PDE4A: variants seen among roughly 807,000 people sequenced by gnomAD.
PDE4A encodes the protein 3',5'-cyclic-AMP phosphodiesterase 4A.
Under a neutral mutation model 73.9 loss-of-function variants are expected in PDE4A, and 21 were observed. The observed-to-expected ratio is 0.28, with a 90% confidence interval of 0.20 to 0.41. PDE4A has a LOEUF of 0.41. Ranked by LOEUF, PDE4A falls within the 10% of genes least tolerant of loss-of-function variation. The pLI is 1.00. For missense variants in PDE4A, 958 were observed against 1,211.4 expected (o/e 0.79, Z 3.10); for synonymous variants, 463 against 505.4 (o/e 0.92, Z 1.13).
intron 1 of PDE4A, among the ~76,000 whole-genome samples, chr19:10,444,438 C>T (rs1371150989): frequency 3.3e-5 from 5 of 150,870 alleles, no homozygotes; most frequent in Non-Finnish European, 5.9e-5. Context: ...GCGGAGGTTG[C>T]GGTGAGCTGA....
chr19:10,466,881 C>T lies in PDE4A; in HGVS notation c.1927-6C>T, dbSNP rs775159178. The T allele has an allele frequency of 4.3e-6, 7 of 1,609,562 alleles. No individual in the cohort carries two copies. In the African/African-American group the frequency reaches 8.0e-5, roughly 18 times the overall value. ...CGCCCATTTATACTTTCTTCCCCTC[C>T]ACCAGGTGGGTTTTATTGACTACAT... On this transcript the variant is annotated splice_region_variant and splice_polypyrimidine_tract_variant and intron_variant, in intron 14 of 14. Transcript: ENST00000380702.
chr19:10,443,237 T>C (rs1599425279), intron 1 of PDE4A, among the ~76,000 whole-genome samples: 1 of 151,996 alleles, frequency 6.6e-6, no homozygotes, highest in Non-Finnish European at 1.5e-5. Flanking sequence ...GAATATATAA[T>C]GGGCCAGCCA....
chr19:10,446,294 C>G lies in PDE4A; in HGVS notation c.397C>G (p.Leu133Val). The G allele has an allele frequency of 6.2e-7, 1 of 1,610,804 alleles. No homozygotes were observed. Residue 133 changes from leucine (L) to valine (V), a missense_variant, in exon 2 of 15, where the codon CTG (leucine) becomes GTG (valine). By Grantham distance (32) the Leu-to-Val change is conservative (BLOSUM62 1). Coordinates refer to ENST00000380702, the MANE Select transcript of PDE4A (RefSeq NM_001111307.2). ...CTCGCAGGCGAGCCCAGGACTCGTG[C>G]TGCACGCCGGGGCGGCCACCAGCCA... Reference protein sequence around the residue: ...LDSQASPGLVLHAGAATSQRR... With the variant: ...LDSQASPGLVVHAGAATSQRR...
In PDE4A at chr19:10,444,252, C is replaced by T. The variant is rs1019934953; in HGVS notation, c.321-1966C>T. On this transcript the variant is annotated intron_variant, in intron 1 of 14. Coordinates refer to ENST00000380702, the MANE Select transcript of PDE4A (RefSeq NM_001111307.2). The stretch of plus-strand genomic sequence containing the variant: ...AAAATGGGCTGGGCATGGTGGCCCA[C>T]ACCTGTAATCCCAGCACTTTGGGAG... Among the ~76,000 whole-genome samples the T allele has an allele frequency of 7.1e-4, 107 of 151,662 alleles. 2 individuals carry two copies. Among genetic ancestry groups the T allele is most frequent in the Admixed American group, 6.6e-3 (101 of 15,218 alleles).
chr19:10,439,268 G>A (rs1003318630), intron 1 of PDE4A, among the ~76,000 whole-genome samples: 5 of 150,382 alleles, frequency 3.3e-5, no homozygotes, highest in African/African-American at 7.3e-5. Flanking sequence ...TGCAACCTCC[G>A]TCTCCCGGGT....
intron 3 of PDE4A, 36 bp downstream of exon 3, chr19:10,448,989 G>C (rs1419863157): frequency 6.2e-7 from 1 of 1,612,502 alleles, no homozygotes; most frequent in South Asian, 1.1e-5. Flanking sequence ...GGAGAGAAGG[G>C]GCTCCAATGC....
At chr19:10,419,102 G>C (rs923569812), upstream of PDE4A, 6 of 980,596 alleles carry the variant, frequency 6.1e-6, no homozygotes, top group African/African-American at 8.8e-5. Flanking sequence ...AAGGGCGCGG[G>C]GGGAGGGCGG....
intron 7 of PDE4A, among the ~76,000 whole-genome samples, chr19:10,456,532 AAAAT>A (rs1346626011): frequency 9.4e-5 from 14 of 149,046 alleles, no homozygotes; most frequent in South Asian, 4.3e-4. Flanking sequence ...TCTCAAAAAA[AAAAT>A]AAATAAATAA....
chr19:10,460,269 T>G (rs1025339551), intron 10 of PDE4A, among the ~76,000 whole-genome samples: 4 of 149,846 alleles, frequency 2.7e-5, no homozygotes, highest in African/African-American at 9.8e-5. Context: ...AAGGCCAAGA[T>G]GGGTGGATCA....
At chr19:10,438,912 T>G (rs892675205) in intron 1 of PDE4A, among the ~76,000 whole-genome samples, 3 of 152,236 alleles carry the variant, frequency 2.0e-5, no homozygotes, top group Admixed American at 2.0e-4. Context: ...TCATCCATGT[T>G]GTAGCCTGTG....
Position 10,420,876 on chromosome 19 carries a change from C to G in PDE4A, c.112C>G (p.Arg38Gly). The part of the protein sequence containing the change: ...PPPQHLWRQP[R>G]TPIRIQQRGY... Reference sequence around the variant, plus strand: ...CCCGCAGCACCTGTGGCGGCAGCCTCGGACCCCCATCCGTATCCAGCAGCG... The same window carrying G: ...CCCGCAGCACCTGTGGCGGCAGCCTGGGACCCCCATCCGTATCCAGCAGCG... The change falls in exon 1 of 15, where the codon CGG becomes GGG. Residue 38 changes from arginine to glycine, a missense_variant. Arg to Gly is a moderately radical substitution (Grantham distance 125). This residue lies in a region of PDE4A where 145 missense variants were observed against 137.8 expected (regional missense o/e 1.05). Transcript: ENST00000380702. This position sits in a 1 kb window ranked among gnomAD's most constrained non-coding sequence, Gnocchi z 6.0. 6.3e-7 allele frequency: 1 copy of G among 1,589,690 alleles called. No individual in the cohort carries two copies.
chr19:10,428,357 CGAGA>C (rs56177515), intron 1 of PDE4A, among the ~76,000 whole-genome samples: 17,262 of 137,190 alleles, frequency 0.13, 1,456 homozygotes, highest in African/African-American at 0.25. Context: ...GATCCTGTCT[CGAGA>C]GAGAGAGAGA....
At chr19:10,465,685 T>TTTTTTTTTC (rs2043356384) in intron 14 of PDE4A, among the ~76,000 whole-genome samples, 1 of 28,922 alleles carries the variant, frequency 3.5e-5, no homozygotes, top group Non-Finnish European at 6.0e-5. Context: ...GGCTTTAGCT[T>TTTTTTTTTC]TTTTTTTTTT....
At chr19:10,420,519 G>C (rs946552521), upstream of PDE4A, 8 of 1,068,058 alleles carry the variant, frequency 7.5e-6, no homozygotes, top group Non-Finnish European at 8.0e-6. This position sits in a 1 kb window ranked among gnomAD's most constrained non-coding sequence, Gnocchi z 6.0. Context: ...GCCGCGGAAC[G>C]CGGAGCGCGG....
At chr19:10,447,843 C>G (rs2043032305) in intron 2 of PDE4A, among the ~76,000 whole-genome samples, 1 of 152,110 alleles carries the variant, frequency 6.6e-6, no homozygotes, top group Non-Finnish European at 1.5e-5. Context: ...ACCTGCTCAG[C>G]CTCTTCCTCT....
chr19:10,437,258 A>G (rs1253396211), intron 1 of PDE4A, among the ~76,000 whole-genome samples: 2 of 151,654 alleles, frequency 1.3e-5, no homozygotes, highest in East Asian at 1.9e-4. Flanking sequence ...TGAGTAGCTG[A>G]GATCACAGGC....
chr19:10,431,320 G>A (rs747946713), intron 1 of PDE4A, among the ~76,000 whole-genome samples: 21 of 152,230 alleles, frequency 1.4e-4, no homozygotes, highest in Non-Finnish European at 2.9e-4. Context: ...CTGAAGCTGC[G>A]GTCACGCTTT....
At chr19:10,456,528 A>T (rs1215353777) in intron 7 of PDE4A, among the ~76,000 whole-genome samples, 1 of 150,710 alleles carries the variant, frequency 6.6e-6, no homozygotes, top group Non-Finnish European at 1.5e-5. Context: ...TCCATCTCAA[A>T]AAAAAAATAA....
chr19:10,465,985 G>A (rs1356053015), intron 14 of PDE4A, among the ~76,000 whole-genome samples: 1 of 145,376 alleles, frequency 6.9e-6, no homozygotes, highest in Admixed American at 7.0e-5. Context: ...ACAGGCGTGA[G>A]CCACTGCATC....
Sources: gnomAD v4.1 joint callset for allele counts (sites outside exome capture counted in the v4.1 genomes callset) on GRCh38, gnomAD v4.1.1 for gene constraint, gnomAD v4.1.1 regional missense constraint, Gnocchi (gnomAD v3.1) non-coding constraint, MANE v1.5 for transcripts, NCBI Gene and HGNC (gene_info 2026-07-23, HGNC 2026-07-21) for gene names.